The following KHDRBS3 variants were observed in gnomAD, a reference collection of about 807,000 sequenced individuals.
KHDRBS3 encodes the protein KH domain-containing, RNA-binding, signal transduction-associated protein 3.
KHDRBS3 carries 23 observed loss-of-function variants against 45.6 expected under a neutral mutation model. The ratio of observed to expected loss-of-function variants is 0.50; its 90% confidence interval spans 0.36 to 0.72. The LOEUF (loss-of-function observed/expected upper bound fraction) is 0.72. Ranked by LOEUF, KHDRBS3 falls within the 30% of genes least tolerant of loss-of-function variation. The pLI, the probability that KHDRBS3 is intolerant of heterozygous loss-of-function variation, is 0.00. For synonymous variants in KHDRBS3, 162 were observed against 156.5 expected (o/e 1.04, Z -0.26); for missense variants, 352 against 424.8 (o/e 0.83, Z 1.51).
intron 1 of KHDRBS3, among the ~76,000 whole-genome samples, chr8:135,464,275 G>A (rs939527830): frequency 1.3e-5 from 2 of 152,192 alleles, no homozygotes; most frequent in Non-Finnish European, 2.9e-5. Context: ...AAAAAGGCAA[G>A]CTCACTTTTT....
At chr8:135,489,864 A>G (rs1223770543) in intron 1 of KHDRBS3, among the ~76,000 whole-genome samples, 1 of 152,184 alleles carries the variant, frequency 6.6e-6, no homozygotes. Context: ...GTGATGTCCT[A>G]GGCCTTCACA....
intron 1 of KHDRBS3, among the ~76,000 whole-genome samples, chr8:135,505,805 G>T (rs540893158): frequency 6.6e-6 from 1 of 151,758 alleles, no homozygotes; most frequent in African/African-American, 2.4e-5. Context: ...TTGCTGAGGA[G>T]GTATGGTGAG....
chr8:135,490,466 A>G (rs1823091749), intron 1 of KHDRBS3, among the ~76,000 whole-genome samples: 1 of 152,154 alleles, frequency 6.6e-6, no homozygotes, highest in Admixed American at 6.5e-5. Flanking sequence ...TTTTAGGTTT[A>G]TAGGCTGCCT....
At chr8:135,461,271 A>C in intron 1 of KHDRBS3, among the ~76,000 whole-genome samples, 1 of 151,626 alleles carries the variant, frequency 6.6e-6, no homozygotes, top group East Asian at 1.9e-4. Flanking sequence ...TGCCTGGTTA[A>C]TTTTTGTATT....
chr8:135,629,393 T>C (rs1298420642), intron 7 of KHDRBS3, among the ~76,000 whole-genome samples: 17 of 152,244 alleles, frequency 1.1e-4, no homozygotes, highest in Admixed American at 6.5e-5. Context: ...CAGACACTTA[T>C]TGAGCAGAAA....
At chr8:135,608,571 GGT>G (rs1829570564) in intron 7 of KHDRBS3, among the ~76,000 whole-genome samples, 1 of 152,224 alleles carries the variant, frequency 6.6e-6, no homozygotes. Context: ...AATGGTAACA[GGT>G]GTGTGACTGT....
At chr8:135,643,988 A>T (rs1475532531) in intron 7 of KHDRBS3, among the ~76,000 whole-genome samples, 1 of 152,168 alleles carries the variant, frequency 6.6e-6, no homozygotes, top group Non-Finnish European at 1.5e-5. Context: ...AAACCTCTTG[A>T]TTGTATGAAA....
At chr8:135,589,247 A>C (rs1828627779) in intron 6 of KHDRBS3, among the ~76,000 whole-genome samples, 1 of 152,142 alleles carries the variant, frequency 6.6e-6, no homozygotes, top group South Asian at 2.1e-4. Context: ...TCCTTAAATA[A>C]TGTATTCTTC....
intron 5 of KHDRBS3, among the ~76,000 whole-genome samples, chr8:135,565,779 A>C (rs1011849359): frequency 6.6e-6 from 1 of 152,096 alleles, no homozygotes; most frequent in African/African-American, 2.4e-5. Flanking sequence ...AGAGCCTTCC[A>C]TTGGAGTCTT....
In KHDRBS3 at chr8:135,640,167, G is replaced by A. The variant is rs573194084; in HGVS notation, c.891-4892G>A. On this transcript the variant is annotated intron_variant, in intron 7 of 8. Coordinates refer to ENST00000355849, the MANE Select transcript of KHDRBS3 (RefSeq NM_006558.3). ...AGGGTAGGAGATGAGGACAGATGGG[G>A]GTATGCAGAATTTTAGGTGTGCTAA... 5.5e-4 allele frequency among the ~76,000 whole-genome samples: 83 copies of A among 152,122 alleles called. 1 individual carries two copies. The South Asian group carries it at 0.016, about 30-fold the overall frequency.
chr8:135,574,748 T>C (rs905898820), intron 5 of KHDRBS3, among the ~76,000 whole-genome samples: 2 of 152,212 alleles, frequency 1.3e-5, no homozygotes, highest in African/African-American at 4.8e-5. Context: ...TCTCTAGATA[T>C]ATATACTGGA....
intron 7 of KHDRBS3, among the ~76,000 whole-genome samples, chr8:135,614,665 A>G (rs1228950075): frequency 6.6e-6 from 1 of 151,704 alleles, no homozygotes; most frequent in Non-Finnish European, 1.5e-5. Context: ...AATTACCCCC[A>G]TAGACCCGTA....
At chr8:135,617,736 T>C (rs1490059178) in intron 7 of KHDRBS3, among the ~76,000 whole-genome samples, 2 of 152,230 alleles carry the variant, frequency 1.3e-5, no homozygotes, top group Non-Finnish European at 2.9e-5. Context: ...ACTGTTGTTA[T>C]TATGAGTTTA....
intron 5 of KHDRBS3, among the ~76,000 whole-genome samples, chr8:135,578,532 G>C (rs1291386343): frequency 1.3e-5 from 2 of 151,898 alleles, no homozygotes; most frequent in African/African-American, 2.4e-5. Context: ...TCAGTTGACT[G>C]TATTTCTGAG....
At chr8:135,495,500 A>T (rs1376960725) in intron 1 of KHDRBS3, among the ~76,000 whole-genome samples, 2 of 152,200 alleles carry the variant, frequency 1.3e-5, no homozygotes, top group Non-Finnish European at 2.9e-5. Flanking sequence ...ACAAGAATTA[A>T]TTATATCAGG....
intron 2 of KHDRBS3, among the ~76,000 whole-genome samples, chr8:135,527,362 G>C (rs1184842160): frequency 6.6e-6 from 1 of 152,220 alleles, no homozygotes; most frequent in Admixed American, 6.5e-5. Context: ...GCTGGCTGGG[G>C]TCAGAAGTGA....
chr8:135,566,446 G>C (rs747376764), intron 5 of KHDRBS3, among the ~76,000 whole-genome samples: 1 of 152,086 alleles, frequency 6.6e-6, no homozygotes, highest in African/African-American at 2.4e-5. Flanking sequence ...AATCAAACAC[G>C]GTACATTCAA....
intron 7 of KHDRBS3, among the ~76,000 whole-genome samples, chr8:135,629,255 G>A (rs905207484): frequency 6.6e-6 from 1 of 152,196 alleles, no homozygotes; most frequent in African/African-American, 2.4e-5. Flanking sequence ...GTTACAATAG[G>A]GTTAAGGATA....
At chr8:135,494,273 ATTTTT>A (rs386414089) in intron 1 of KHDRBS3, among the ~76,000 whole-genome samples, 2 of 78,624 alleles carry the variant, frequency 2.5e-5, no homozygotes, top group African/African-American at 5.7e-5. Flanking sequence ...TGTTTCTCTT[ATTTTT>A]TTTTTTTTTT....
Sources: gnomAD v4.1 joint callset for allele counts (sites outside exome capture counted in the v4.1 genomes callset) on GRCh38, gnomAD v4.1.1 for gene constraint, MANE v1.5 for transcripts, NCBI Gene and HGNC (gene_info 2026-07-23, HGNC 2026-07-21) for gene names.